Variants in PEX5L observed in about 807,000 individuals in gnomAD.
PEX5L encodes the protein peroxisomal biogenesis factor 5 like, also known as PEX5-related protein.
PEX5L carries 30 observed loss-of-function variants against 84.0 expected under a neutral mutation model. That is an observed-to-expected ratio of 0.36 (90% confidence interval 0.27 to 0.48). The LOEUF (loss-of-function observed/expected upper bound fraction) is 0.48, where lower values mean the gene tolerates loss of function less well. PEX5L is among the 20% of genes least tolerant of loss of function. The pLI is 0.99. For missense variants in PEX5L, 533 were observed against 754.6 expected (o/e 0.71, Z 3.44); for synonymous variants, 270 against 283.1 (o/e 0.95, Z 0.46).
intron 10 of PEX5L, among the ~76,000 whole-genome samples, chr3:179,812,637 TTA>T (rs1724332238): frequency 6.6e-6 from 1 of 152,128 alleles, no homozygotes; most frequent in Non-Finnish European, 1.5e-5. Flanking sequence ...AGCAGATAGC[TTA>T]TGTTTTTATA....
At chr3:179,872,164 G>A (rs372295848) in intron 7 of PEX5L, among the ~76,000 whole-genome samples, 3 of 152,192 alleles carry the variant, frequency 2.0e-5, no homozygotes, top group Non-Finnish European at 2.9e-5. Flanking sequence ...GATTACAGGC[G>A]TGAGCCACTG....
intron 4 of PEX5L, among the ~76,000 whole-genome samples, chr3:179,883,055 G>T (rs1309440232): frequency 6.6e-6 from 1 of 152,158 alleles, no homozygotes; most frequent in Non-Finnish European, 1.5e-5. Flanking sequence ...GACAGAGTAA[G>T]ACCCTGTCTC....
At chr3:179,813,722 TGC>T (rs1724853879) in intron 10 of PEX5L, among the ~76,000 whole-genome samples, 2 of 142,764 alleles carry the variant, frequency 1.4e-5, no homozygotes, top group South Asian at 4.4e-4. Flanking sequence ...CAGGCCGGAC[TGC>T]GGATTGCAGT....
At chr3:180,027,422 G>T (rs567972109) in intron 1 of PEX5L, among the ~76,000 whole-genome samples, 37 of 152,212 alleles carry the variant, frequency 2.4e-4, no homozygotes, top group African/African-American at 8.2e-4. Context: ...CCTTTCCCCA[G>T]ATTTAGCAGT....
At chr3:179,988,070 C>T (rs1188078875) in intron 1 of PEX5L, among the ~76,000 whole-genome samples, 1 of 152,000 alleles carries the variant, frequency 6.6e-6, no homozygotes, top group Non-Finnish European at 1.5e-5. Context: ...CATTTTTTAG[C>T]TATTGGAAAG....
chr3:179,811,756 A>G, intron 11 of PEX5L, 45 bp downstream of exon 11: 2 of 1,317,678 alleles, frequency 1.5e-6, no homozygotes, highest in Non-Finnish European at 2.2e-6. Context: ...AAGTTCATTA[A>G]CAAGTATCCA....
intron 2 of PEX5L, among the ~76,000 whole-genome samples, chr3:179,940,544 T>C (rs1466853281): frequency 6.6e-6 from 1 of 152,186 alleles, no homozygotes; most frequent in Non-Finnish European, 1.5e-5. Flanking sequence ...GCTTATGCCA[T>C]CTGGCTACTG....
chr3:179,840,696 A>G (rs762401956), intron 8 of PEX5L, among the ~76,000 whole-genome samples: 6 of 152,114 alleles, frequency 3.9e-5, no homozygotes, highest in Non-Finnish European at 5.9e-5. Flanking sequence ...GTTTGATTCC[A>G]TTAGTTTGGA....
At chr3:179,898,338 A>G in intron 2 of PEX5L, 92 bp from the exon 3 acceptor site, 1 of 864,188 alleles carries the variant, frequency 1.2e-6, no homozygotes, top group Non-Finnish European at 1.8e-6. Flanking sequence ...GAGCAATCCA[A>G]CATAAATGAA....
chr3:179,932,058 T>G (rs1316191621), intron 2 of PEX5L, among the ~76,000 whole-genome samples: 1 of 152,162 alleles, frequency 6.6e-6, no homozygotes, highest in Non-Finnish European at 1.5e-5. Context: ...TTATAAAAAC[T>G]AGAAGCAACA....
intron 4 of PEX5L, among the ~76,000 whole-genome samples, chr3:179,881,803 G>A (rs1754241473): frequency 6.6e-6 from 1 of 152,172 alleles, no homozygotes; most frequent in African/African-American, 2.4e-5. Context: ...TTATCATAAA[G>A]TGGCCTGAAA....
intron 10 of PEX5L, among the ~76,000 whole-genome samples, chr3:179,814,895 G>A (rs1005874500): frequency 6.6e-6 from 1 of 151,922 alleles, no homozygotes; most frequent in African/African-American, 2.4e-5. Flanking sequence ...CTCTTAACAG[G>A]ATGCTTCATG....
chr3:179,963,883 C>T (rs1444610548), intron 2 of PEX5L, among the ~76,000 whole-genome samples: 2 of 152,034 alleles, frequency 1.3e-5, no homozygotes, highest in African/African-American at 2.4e-5. Context: ...GCATTTGCAT[C>T]CATGACCCCA....
chr3:179,929,489 A>ATTT (rs5854851), intron 2 of PEX5L, among the ~76,000 whole-genome samples: 1 of 129,136 alleles, frequency 7.7e-6, no homozygotes, highest in Non-Finnish European at 1.7e-5. Flanking sequence ...TGAAGTTGCC[A>ATTT]TTTTTTTTTT....
intron 1 of PEX5L, among the ~76,000 whole-genome samples, chr3:179,988,447 T>C (rs1187027702): frequency 1.3e-5 from 2 of 150,924 alleles, no homozygotes; most frequent in African/African-American, 4.9e-5. Context: ...AAGAGGTCCA[T>C]TGTTAATTAA....
At position 179,986,563 on chromosome 3, in the gene PEX5L, C is replaced by T. The variant is rs535712362; in HGVS notation, c.22-14898G>A. Among the ~76,000 whole-genome samples, 39 of 151,930 alleles carry T rather than the reference C, an allele frequency of 2.6e-4. No individual in the cohort carries two copies. In the South Asian group the frequency reaches 8.1e-3, roughly 32 times the overall value. On this transcript the variant is annotated intron_variant, in intron 1 of 14. Transcript: ENST00000467460. ...GACTACAGGCGCCCGCCACCACGCC[C>T]GGCTAATTTTTTGTATTTTTAGTAG...
At chr3:179,928,726 G>A (rs942888972) in intron 2 of PEX5L, among the ~76,000 whole-genome samples, 1 of 152,172 alleles carries the variant, frequency 6.6e-6, no homozygotes, top group Non-Finnish European at 1.5e-5. Context: ...CCCTTTTGAT[G>A]TGACAGAGAA....
chr3:179,979,293 T>A (rs1425921094), intron 1 of PEX5L, among the ~76,000 whole-genome samples: 1 of 152,008 alleles, frequency 6.6e-6, no homozygotes, highest in Non-Finnish European at 1.5e-5. Flanking sequence ...GAAAATTGAG[T>A]CCAGTTTTTC....
chr3:179,817,162 G>T (rs1212055709), intron 9 of PEX5L, among the ~76,000 whole-genome samples: 1 of 152,074 alleles, frequency 6.6e-6, no homozygotes, highest in Non-Finnish European at 1.5e-5. Flanking sequence ...GCCTGTTGGG[G>T]GCTATATTGC....
Sources: allele counts gnomAD v4.1 joint callset (sites outside exome capture counted in the v4.1 genomes callset), GRCh38; gene constraint gnomAD v4.1.1; transcripts MANE v1.5; gene names NCBI Gene and HGNC (gene_info 2026-07-23, HGNC 2026-07-21).